Variants in ARHGAP15 observed in about 807,000 individuals in gnomAD.
ARHGAP15 encodes Rho GTPase activating protein 15.
In ARHGAP15, 51 loss-of-function variants were observed where a neutral mutation model predicts 63.7. The ratio of observed to expected loss-of-function variants is 0.80; its 90% CI spans 0.64 to 1.01. ARHGAP15 has a LOEUF of 1.01. ARHGAP15 is among the 50% of genes least tolerant of loss of function. The pLI, the probability that ARHGAP15 is intolerant of heterozygous loss-of-function variation, is 0.00. For missense variants in ARHGAP15, 560 were observed against 564.6 expected, an observed-to-expected ratio of 0.99 and a Z score of 0.08; for synonymous variants, 191 against 193.8, an observed-to-expected ratio of 0.99 and a Z score of 0.12.
In ARHGAP15 at chr2:143,740,218, A is replaced by G. The variant is rs549079276; in HGVS notation, c.1245-27771A>G. Among the ~76,000 whole-genome samples the G allele has an allele frequency of 3.0e-3, 460 of 152,334 alleles. 2 individuals are homozygous for G. The highest frequency in any genetic ancestry group is 0.011 in the African/African-American group (456 of 41,556). On this transcript the variant is annotated intron_variant, in intron 13 of 13. Transcript: ENST00000295095. ...TACATGAATCTACAAGATGAGCGTA[A>G]TTATATCTCTTATTAGCTTAGGCAA...
Position 143,245,619 on chromosome 2 carries a change from TTC to T in ARHGAP15, c.385-4890_385-4889del, listed in dbSNP as rs1162454634. ...GAGTTGATGCTTGCTTTTCTTCTTC[TTC>T]TTTTTTTTTTTTAAACGGGTAATGA... On this transcript the variant is annotated intron_variant, in intron 5 of 13. Transcript: ENST00000295095. Among the ~76,000 whole-genome samples the T allele has an allele frequency of 1.1e-3, 122 of 106,924 alleles. 1 individual carries two copies. The highest frequency in any genetic ancestry group is 4.4e-3 in the African/African-American group (118 of 27,094). 70.1% of individuals were successfully genotyped at this position (106,924 alleles called of 152,430 possible).
chr2:143,437,102 A>G, intron 8 of ARHGAP15, 60 bp downstream of exon 8: 2 of 1,519,924 alleles, frequency 1.3e-6, no homozygotes, highest in Non-Finnish European at 1.8e-6. Flanking sequence ...CTTATGAAAT[A>G]TAAATGCATT....
intron 11 of ARHGAP15, among the ~76,000 whole-genome samples, chr2:143,591,280 G>T (rs1697310091): frequency 6.6e-6 from 1 of 152,088 alleles, no homozygotes; most frequent in African/African-American, 2.4e-5. Flanking sequence ...CTATTTTTCA[G>T]TAAAATTTTC....
chr2:143,635,348 C>G (rs577567322), intron 12 of ARHGAP15, among the ~76,000 whole-genome samples: 1 of 151,704 alleles, frequency 6.6e-6, no homozygotes. Context: ...TCACCATGCC[C>G]AGCCTCGTGC....
At chr2:143,387,845 A>G (rs1687359738) in intron 6 of ARHGAP15, among the ~76,000 whole-genome samples, 1 of 151,854 alleles carries the variant, frequency 6.6e-6, no homozygotes, top group Non-Finnish European at 1.5e-5. Flanking sequence ...ATGCAAGCAC[A>G]CACACACGCA....
chr2:143,269,191 A>G (rs1224348303), intron 6 of ARHGAP15, among the ~76,000 whole-genome samples: 3 of 152,174 alleles, frequency 2.0e-5, no homozygotes, highest in East Asian at 1.9e-4. Flanking sequence ...TTTTCCATTA[A>G]TAAGTCTCTA....
chr2:143,465,933 T>C (rs529366590), intron 8 of ARHGAP15, among the ~76,000 whole-genome samples: 12 of 152,330 alleles, frequency 7.9e-5, no homozygotes, highest in African/African-American at 2.9e-4. Flanking sequence ...ATACTCTATG[T>C]CTCTGTTTAG....
chr2:143,693,456 G>A (rs1269789455), intron 12 of ARHGAP15, among the ~76,000 whole-genome samples: 7 of 152,054 alleles, frequency 4.6e-5, no homozygotes, highest in Non-Finnish European at 8.8e-5. Flanking sequence ...CAGAATTTCT[G>A]GCTTGTTTAT....
intron 12 of ARHGAP15, among the ~76,000 whole-genome samples, chr2:143,699,529 G>A (rs949368080): frequency 1.3e-5 from 2 of 152,098 alleles, no homozygotes; most frequent in African/African-American, 2.4e-5. Flanking sequence ...CTTGGAAACC[G>A]ACATGTACTT....
At chr2:143,184,435 T>C (rs1373081838) in intron 2 of ARHGAP15, among the ~76,000 whole-genome samples, 3 of 152,156 alleles carry the variant, frequency 2.0e-5, no homozygotes, top group Non-Finnish European at 2.9e-5. Context: ...TGTTGGATGT[T>C]TGGGGATGGA....
At chr2:143,439,789 G>A (rs1233353875) in intron 8 of ARHGAP15, among the ~76,000 whole-genome samples, 2 of 152,042 alleles carry the variant, frequency 1.3e-5, no homozygotes, top group Admixed American at 6.6e-5. Context: ...ATAACAAAGT[G>A]AACAAGTAAA....
chr2:143,156,896 C>T (rs1690102705), intron 2 of ARHGAP15, among the ~76,000 whole-genome samples: 1 of 151,930 alleles, frequency 6.6e-6, no homozygotes, highest in Non-Finnish European at 1.5e-5. Context: ...CAACTATGAA[C>T]TTGAGACAGT....
rs144423934 is a variant in ARHGAP15, at chr2:143,250,139, A to G, written c.385-372A>G. The stretch of plus-strand genomic sequence containing the variant: ...TTACTGTTAGGTCTAAAAGTAATAT[A>G]ACTTAACATGCTTTTATGTTACTTT... On this transcript the variant is annotated intron_variant, in intron 5 of 13. Transcript: ENST00000295095. Among the ~76,000 whole-genome samples, 130 of 152,224 alleles carry G rather than the reference A, an allele frequency of 8.5e-4. 1 individual carries two copies. The highest frequency in any genetic ancestry group is 3.1e-3 in the African/African-American group (127 of 41,562).
intron 6 of ARHGAP15, among the ~76,000 whole-genome samples, chr2:143,275,770 T>A (rs1681518534): frequency 6.6e-6 from 1 of 152,212 alleles, no homozygotes; most frequent in South Asian, 2.1e-4. Flanking sequence ...GTGTCTGTAC[T>A]CTTTTGGTGA....
At chr2:143,324,279 C>G (rs1322629022) in intron 6 of ARHGAP15, among the ~76,000 whole-genome samples, 3 of 152,182 alleles carry the variant, frequency 2.0e-5, no homozygotes, top group East Asian at 3.9e-4. Context: ...TTTTGTTTTT[C>G]TAACATTTTC....
chr2:143,392,598 T>C (rs1213338493), intron 6 of ARHGAP15, among the ~76,000 whole-genome samples: 1 of 152,194 alleles, frequency 6.6e-6, no homozygotes, highest in Non-Finnish European at 1.5e-5. Context: ...AGATTTATTT[T>C]GGATAGCTTT....
At chr2:143,585,817 C>T (rs1012953676) in intron 11 of ARHGAP15, among the ~76,000 whole-genome samples, 3 of 151,942 alleles carry the variant, frequency 2.0e-5, no homozygotes, top group African/African-American at 7.3e-5. Flanking sequence ...AGTATATCCC[C>T]AATATTGTTT....
intron 12 of ARHGAP15, among the ~76,000 whole-genome samples, chr2:143,635,194 C>CTT (rs10558886): frequency 0.023 from 618 of 26,868 alleles, 91 homozygotes; most frequent in Middle Eastern, 0.038. Flanking sequence ...CTCTCAGGAG[C>CTT]TTTTTTTTTT....
intron 6 of ARHGAP15, among the ~76,000 whole-genome samples, chr2:143,408,681 T>C (rs527980275): frequency 3.7e-4 from 56 of 152,034 alleles, no homozygotes; most frequent in African/African-American, 1.3e-3. Context: ...ACTTCTATTA[T>C]GTAAATAATT....
Sources: allele counts gnomAD v4.1 joint callset (sites outside exome capture counted in the v4.1 genomes callset), GRCh38; gene constraint gnomAD v4.1.1; transcripts MANE v1.5; gene names NCBI Gene and HGNC (gene_info 2026-07-23, HGNC 2026-07-21).